Variants in RAB11FIP3 observed in about 807,000 individuals in gnomAD.
The protein encoded by RAB11FIP3 is rab11 family-interacting protein 3.
A neutral mutation model predicts 77.8 loss-of-function variants in RAB11FIP3; 17 were observed. That is an observed-to-expected ratio of 0.22 (90% confidence interval 0.15 to 0.33). The LOEUF (loss-of-function observed/expected upper bound fraction) is 0.33. RAB11FIP3 is among the 10% of genes least tolerant of loss of function. The pLI is 1.00. For synonymous variants in RAB11FIP3, 437 were observed against 448.2 expected, an observed-to-expected ratio of 0.98 and a Z score of 0.31; for missense variants, 1,005 against 1,011.2, an observed-to-expected ratio of 0.99 and a Z score of 0.08.
At chr16:437,229 G>A (rs567083503) in intron 1 of RAB11FIP3, among the ~76,000 whole-genome samples, 191 of 151,940 alleles carry the variant, frequency 1.3e-3, no homozygotes, top group African/African-American at 4.3e-3. Flanking sequence ...AGTGAGGCAA[G>A]ATCGCGCCAC....
At chr16:459,019 A>T (rs1227989548) in intron 1 of RAB11FIP3, among the ~76,000 whole-genome samples, 2 of 152,174 alleles carry the variant, frequency 1.3e-5, no homozygotes, top group Non-Finnish European at 2.9e-5. Flanking sequence ...GTATTTCAGT[A>T]CATGTGTCTA....
rs1005620637 is a variant in RAB11FIP3 at position 471,162 on chromosome 16, C to T, written c.809-133C>T. 1 of 669,492 alleles carries T rather than the reference C, an allele frequency of 1.5e-6. No homozygotes were observed. The highest frequency in any genetic ancestry group is 2.6e-6 in the Non-Finnish European group (1 of 384,638). The allele number at this position is 669,492 out of a possible 1,614,324, so 41.5% of individuals were successfully genotyped here. A position where few individuals can be genotyped will look rare whatever the true frequency, so the allele number is the denominator to read the frequency against. ...ATGCTCACTCCCTTGCTTGTCTTGA[C>T]CCCCCCCAGGGCCCCCAACTCCCAC... On this transcript the variant is annotated intron_variant, in intron 2 of 13. Transcript: ENST00000262305. The surrounding 1 kb of genome is among the most constrained non-coding windows in gnomAD (Gnocchi z 4.4).
chr16:437,147 G>A (rs903608231), intron 1 of RAB11FIP3, among the ~76,000 whole-genome samples: 15 of 151,848 alleles, frequency 9.9e-5, no homozygotes, highest in African/African-American at 2.9e-4. Context: ...GTGTGGTGGC[G>A]GGCACCTATA....
chr16:458,249 T>C (rs2141636779), intron 1 of RAB11FIP3, among the ~76,000 whole-genome samples: 1 of 152,354 alleles, frequency 6.6e-6, no homozygotes, highest in South Asian at 2.1e-4. Flanking sequence ...GGCGATGCTA[T>C]AGCCTTGCTG....
rs535119167 is a variant in RAB11FIP3 at position 444,039 on chromosome 16, G to T, written c.714+17319G>T. 3.3e-5 allele frequency among the ~76,000 whole-genome samples: 5 copies of T among 152,202 alleles called. No individual in the cohort carries two copies. The East Asian group carries it at 5.8e-4, about 18-fold the overall frequency. ...TGCATGTTAATAAACAAGTGTTTTC[G>T]TTCTTGTGCGTGTCTGTGTTGTGGT... On this transcript the variant is annotated intron_variant, in intron 1 of 13. Coordinates refer to ENST00000262305, the MANE Select transcript of RAB11FIP3 (RefSeq NM_014700.4).
intron 1 of RAB11FIP3, among the ~76,000 whole-genome samples, chr16:429,246 A>C (rs771368874): frequency 3.3e-5 from 5 of 152,060 alleles, no homozygotes; most frequent in Non-Finnish European, 7.3e-5. Flanking sequence ...ATGATTTTTG[A>C]AGTGGGTTCC....
intron 1 of RAB11FIP3, chr16:451,689 G>A (rs971795579): frequency 5.9e-5 from 9 of 152,106 alleles, no homozygotes; most frequent in Admixed American, 1.3e-4. Context: ...CAAAAAATTA[G>A]CCAGGCATGG....
intron 7 of RAB11FIP3, among the ~76,000 whole-genome samples, chr16:504,889 GCTCCCCCACCTCCTCCTA>G (rs2031787488): frequency 5.8e-5 from 1 of 17,214 alleles, no homozygotes; most frequent in Non-Finnish European, 1.1e-4. Context: ...ACCTCCTCCT[GCTCCCCCACCTCCTCCTA>G]TACCCCCATC....
At chr16:474,927 G>A in intron 3 of RAB11FIP3, 1 of 1,544,660 alleles carries the variant, frequency 6.5e-7, no homozygotes. Flanking sequence ...AGGCTTTGCA[G>A]AAACCCCAGC....
chr16:493,746 A>G (rs957690736), intron 5 of RAB11FIP3, among the ~76,000 whole-genome samples: 32 of 148,484 alleles, frequency 2.2e-4, no homozygotes, highest in African/African-American at 7.8e-4. Flanking sequence ...AGCTGGGACT[A>G]CAGGCGCCCA....
At chr16:469,060 TTTA>T (rs563463441) in intron 2 of RAB11FIP3, among the ~76,000 whole-genome samples, 6 of 151,436 alleles carry the variant, frequency 4.0e-5, no homozygotes, top group Admixed American at 6.6e-5. Context: ...TAATTTTTAA[TTTA>T]TTATTATTAT....
intron 5 of RAB11FIP3, among the ~76,000 whole-genome samples, chr16:493,471 A>T (rs1485426393): frequency 7.2e-5 from 11 of 152,128 alleles, no homozygotes; most frequent in Admixed American, 7.2e-4. Context: ...CCACCTCTGG[A>T]AGCTTTGATG....
intron 1 of RAB11FIP3, among the ~76,000 whole-genome samples, chr16:428,414 C>T: frequency 6.6e-6 from 1 of 152,158 alleles, no homozygotes; most frequent in Non-Finnish European, 1.5e-5. Context: ...GGCTACTGCG[C>T]TGTCTCTTCT....
intron 4 of RAB11FIP3, 78 bp downstream of exon 4, chr16:482,814 G>A: frequency 1.4e-6 from 2 of 1,436,722 alleles, no homozygotes; most frequent in Non-Finnish European, 1.9e-6. Context: ...GGCAGACTGG[G>A]GTCTTGGAGG....
At chr16:520,098 G>A (rs2032609358) in intron 11 of RAB11FIP3, 24 bp from the exon 12 acceptor site, 1 of 1,541,614 alleles carries the variant, frequency 6.5e-7, no homozygotes, top group Admixed American at 2.0e-5. Flanking sequence ...AGGCCCCCCG[G>A]CTCACTGCAC....
chr16:440,743 T>C (rs2055211288), intron 1 of RAB11FIP3, among the ~76,000 whole-genome samples: 1 of 152,236 alleles, frequency 6.6e-6, no homozygotes. Flanking sequence ...GGAATGTTAG[T>C]TCTGGAGACC....
In RAB11FIP3 at chr16:469,095, T is replaced by G. The variant is rs965459619; in HGVS notation, c.809-2200T>G. On this transcript the variant is annotated intron_variant, in intron 2 of 13. Transcript: ENST00000262305. ...TTATTATTATTATTTTGAGACAGAC[T>G]CTCGCTGTAGCCCAGGCTGGAGTGC... is the stretch of plus-strand genomic sequence containing the variant. Among the ~76,000 whole-genome samples the G allele has an allele frequency of 7.9e-5, 12 of 152,168 alleles. No individual in the cohort carries two copies. In the South Asian group the frequency reaches 8.3e-4, roughly 10 times the overall value.
At position 426,466 on chromosome 16, in the gene RAB11FIP3, G is replaced by C; in HGVS notation, c.460G>C (p.Ala154Pro). The C allele has an allele frequency of 6.3e-7, 1 of 1,581,872 alleles. No homozygotes were observed. Among genetic ancestry groups the C allele is most frequent in the Non-Finnish European group, 8.6e-7 (1 of 1,165,136 alleles). The stretch of plus-strand genomic sequence containing the variant: ...GCAGGGGTCCAGCAGCAGCCACCGA[G>C]CGCGGGGCGAGGTCGACGTCTTCTC... ...RLQGSSSSHR[A>P]RGEVDVFSPF... Residue 154 changes from alanine to proline, a missense_variant, in exon 1 of 14, where the codon GCG (alanine) becomes CCG (proline). Ala to Pro is a conservative substitution (Grantham distance 27, BLOSUM62 -1). This residue lies in a region of RAB11FIP3 where 466 missense variants were observed against 408.3 expected (regional missense o/e 1.14). Coordinates refer to ENST00000262305, the MANE Select transcript of RAB11FIP3 (RefSeq NM_014700.4). The surrounding 1 kb of genome is among the most constrained non-coding windows in gnomAD (Gnocchi z 5.0).
At position 505,604 on chromosome 16, in the gene RAB11FIP3, G is replaced by A; in HGVS notation, c.1476G>A (p.Gln492=). 6.2e-7 allele frequency: 1 copy of A among 1,602,270 alleles called. No homozygotes were observed. The highest frequency in any genetic ancestry group is 1.7e-5 in the Admixed American group (1 of 59,788). Residue 492 remains glutamine, a synonymous_variant, in exon 8 of 14, where the codon CAG becomes CAA. Coordinates refer to ENST00000262305, the MANE Select transcript of RAB11FIP3 (RefSeq NM_014700.4). The surrounding 1 kb of genome is among the most constrained non-coding windows in gnomAD (Gnocchi z 4.0). Reference sequence around the variant, plus strand: ...GTGAGCAACACAGCCGCCTGAGGCAGGAGAACCTGCAGCTGGTGCACAGGT... The same window carrying A: ...GTGAGCAACACAGCCGCCTGAGGCAAGAGAACCTGCAGCTGGTGCACAGGT... ...ATGEQHSRLR[Q]ENLQLVHRAN... is the part of the protein sequence containing the mutation.
Sources: gnomAD v4.1 joint callset for allele counts (sites outside exome capture counted in the v4.1 genomes callset) on GRCh38, gnomAD v4.1.1 for gene constraint, gnomAD v4.1.1 regional missense constraint, Gnocchi (gnomAD v3.1) non-coding constraint, MANE v1.5 for transcripts, NCBI Gene and HGNC (gene_info 2026-07-23, HGNC 2026-07-21) for gene names.